The following EP400 variants were observed in gnomAD, a reference collection of about 807,000 sequenced individuals.
EP400 encodes the protein E1A-binding protein p400.
Under a neutral mutation model 354.1 loss-of-function variants are expected in EP400, and 105 were observed. The ratio of observed to expected loss-of-function variants is 0.30; its 90% CI spans 0.25 to 0.35. The LOEUF is 0.35. EP400 is among the 10% of genes least tolerant of loss of function. EP400 has a pLI of 1.00. For synonymous variants in EP400, 1,646 were observed against 1,716.9 expected (o/e 0.96, Z 1.02); for missense variants, 3,280 against 4,121.0 (o/e 0.80, Z 5.59).
rs888751655 is a variant in EP400 at position 132,065,024 on chromosome 12, C to T, written c.8553+138C>T. 3 of 1,425,832 alleles carry T rather than the reference C, an allele frequency of 2.1e-6. No individual in the cohort carries two copies. The African/African-American group carries it at 4.3e-5, about 21-fold the overall frequency. The allele number at this position is 1,425,832 out of a possible 1,614,324, so 88.3% of individuals were successfully genotyped here. A position where few individuals can be genotyped will look rare whatever the true frequency, so the allele number is the denominator to read the frequency against. ...GTTCTTTTCCCCGAGAACTTAGTAC[C>T]CCTTGGACAGAGGACGGGACTCACC... On this transcript the variant is annotated intron_variant, in intron 48 of 52. Coordinates refer to ENST00000389561, the MANE Select transcript of EP400 (RefSeq NM_015409.5).
At chr12:131,977,928 G>C (rs1892539474) in intron 2 of EP400, among the ~76,000 whole-genome samples, 1 of 152,178 alleles carries the variant, frequency 6.6e-6, no homozygotes, top group Admixed American at 6.5e-5. Context: ...CAGTTGCTTT[G>C]TTTAGGTATC....
chr12:131,964,132 A>AT (rs1480362692), intron 2 of EP400, among the ~76,000 whole-genome samples: 3 of 152,216 alleles, frequency 2.0e-5, no homozygotes, highest in Non-Finnish European at 4.4e-5. Context: ...CAAACTGATT[A>AT]TTTTTAATTT....
At chr12:131,995,348 G>A (rs1036557081) in intron 12 of EP400, among the ~76,000 whole-genome samples, 1 of 150,616 alleles carries the variant, frequency 6.6e-6, no homozygotes, top group Admixed American at 6.6e-5. Flanking sequence ...GAGTGTGTGA[G>A]AACTTCATAC....
chr12:131,992,793 C>G (rs2136506231), intron 11 of EP400, among the ~76,000 whole-genome samples: 1 of 152,272 alleles, frequency 6.6e-6, no homozygotes, highest in African/African-American at 2.4e-5. Flanking sequence ...GAGAAACTTT[C>G]TTGGGCGTTT....
intron 1 of EP400, 76 bp from the exon 2 acceptor site, chr12:131,960,509 C>CT: frequency 7.4e-7 from 1 of 1,351,878 alleles, no homozygotes; most frequent in Non-Finnish European, 9.9e-7. Flanking sequence ...TTCAAAGTGT[C>CT]TTTTCAGTGC....
Position 132,062,701 on chromosome 12 carries a change from G to A in EP400, c.8334G>A (p.Pro2778=). 2 of 1,613,322 alleles carry A rather than the reference G, an allele frequency of 1.2e-6. No homozygotes were observed. Among genetic ancestry groups the A allele is most frequent in the Non-Finnish European group, 1.7e-6 (2 of 1,179,286 alleles). ...TCAAAGCTGTGGGCAAGCTGACGCC[G>A]GTGAGCATTTCCCAGAGGACCATGA... is the stretch of plus-strand genomic sequence containing the variant. ...AQIKAVGKLT[P]EHLIKMQKQK... The change falls in exon 47 of 53, where the codon CCG becomes CCA. Residue 2778 remains proline, a splice_region_variant and synonymous_variant. Transcript: ENST00000389561.
chr12:132,070,480 C>A lies in EP400; in HGVS notation c.9021+839C>A, dbSNP rs73164908. Among the ~76,000 whole-genome samples, 3 of 152,270 alleles carry A rather than the reference C, an allele frequency of 2.0e-5. No individual in the cohort carries two copies. The highest frequency in any genetic ancestry group is 4.4e-5 in the Non-Finnish European group (3 of 68,048). On this transcript the variant is annotated intron_variant, in intron 51 of 52. Coordinates refer to ENST00000389561, the MANE Select transcript of EP400 (RefSeq NM_015409.5). This position sits in a 1 kb window ranked among gnomAD's most constrained non-coding sequence, Gnocchi z 4.1. ...CCCACGGCGCTCTCGCTATGAGCGGCAGTGACACTTGGTGTCTGGAGGGCG... is the reference window on the plus strand; with the variant it reads ...CCCACGGCGCTCTCGCTATGAGCGGAAGTGACACTTGGTGTCTGGAGGGCG...
intron 9 of EP400, among the ~76,000 whole-genome samples, chr12:131,991,178 C>T (rs933995321): frequency 2.0e-5 from 3 of 152,190 alleles, no homozygotes; most frequent in Non-Finnish European, 2.9e-5. Flanking sequence ...TTGTGTTCCC[C>T]CATTATTGAT....
chr12:131,969,557 C>T (rs895875219), intron 2 of EP400, among the ~76,000 whole-genome samples: 2 of 152,052 alleles, frequency 1.3e-5, no homozygotes, highest in African/African-American at 2.4e-5. Context: ...AGTATACTTC[C>T]GACATACCTC....
At position 132,043,429 on chromosome 12, in the gene EP400, C is replaced by A; in HGVS notation, c.6333C>A (p.Ser2111=). 1 of 1,613,344 alleles carries A rather than the reference C, an allele frequency of 6.2e-7. No homozygotes were observed. The highest frequency in any genetic ancestry group is 8.5e-7 in the Non-Finnish European group (1 of 1,180,018). The stretch of plus-strand genomic sequence containing the variant: ...ACATGCCGTGTGATGAAGAACCATC[C>A]CAATTAGAGGAGCTAGCTGACTTCA... ...SENMPCDEEP[S]QLEELADFME... The change falls in exon 33 of 53, where the codon TCC becomes TCA. Residue 2111 remains serine (S), a synonymous_variant. Coordinates refer to ENST00000389561, the MANE Select transcript of EP400 (RefSeq NM_015409.5).
Position 131,961,681 on chromosome 12 carries a change from T to C in EP400, c.1062T>C (p.Ile354=). Residue 354 remains isoleucine (I), a synonymous_variant, in exon 2 of 53, where the codon ATT becomes ATC. Transcript: ENST00000389561. ...AGGTTCCCAAGAAGTTAGAGGAGAT[T>C]CCCCCAGCCTCTCCGGAGATGGCAC... ...MKKVPKKLEE[I]PPASPEMAQM... The C allele has an allele frequency of 4.3e-6, 7 of 1,613,312 alleles. No individual in the cohort carries two copies. The highest frequency in any genetic ancestry group is 5.9e-6 in the Non-Finnish European group (7 of 1,179,622).
chr12:131,951,084 T>A (rs970182092), intron 1 of EP400, among the ~76,000 whole-genome samples: 4 of 145,234 alleles, frequency 2.8e-5, no homozygotes, highest in African/African-American at 1.0e-4. Flanking sequence ...TTTTTTTTTT[T>A]TTTTTGGATT....
At chr12:132,060,585 C>T (rs1895658440) in intron 45 of EP400, among the ~76,000 whole-genome samples, 1 of 152,084 alleles carries the variant, frequency 6.6e-6, no homozygotes, top group African/African-American at 2.4e-5. Context: ...AAGAAAGTTG[C>T]TGCCAGCCTA....
At position 132,047,302 on chromosome 12, in the gene EP400, A is replaced by G. The variant is rs140376008; in HGVS notation, c.7200+1402A>G. ...TTTTCTGTGTTTTGGAAGCATTTAT[A>G]ATAATAGCCATTACCTTATTATGGA... On this transcript the variant is annotated intron_variant, in intron 39 of 52. Transcript: ENST00000389561. 9.2e-3 allele frequency among the ~76,000 whole-genome samples: 1,394 copies of G among 152,340 alleles called. 14 individuals are homozygous for G. The highest frequency in any genetic ancestry group is 0.032 in the African/African-American group (1,339 of 41,562).
Position 132,045,328 on chromosome 12 carries a change from G to A in EP400, c.6794G>A (p.Arg2265Lys), listed in dbSNP as rs1414626368. 8 of 1,614,082 alleles carry A rather than the reference G, an allele frequency of 5.0e-6. No individual in the cohort carries two copies. The highest frequency in any genetic ancestry group is 6.8e-6 in the Non-Finnish European group (8 of 1,180,046). ...CTGCCTCTCTGTTCAGCTGCAGGCA[G>A]GAAGAAGAAGCAGCGTCACGGGGAG... ...RHKTDPSAAG[R>K]KKKQRHGEAV... The change falls in exon 38 of 53, where the codon AGG becomes AAG. Residue 2265 changes from arginine (R) to lysine (K), a missense_variant. Physicochemically the swap from Arg to Lys is conservative, Grantham distance 26. Transcript: ENST00000389561.
chr12:131,977,171 C>T (rs779276307), intron 2 of EP400, among the ~76,000 whole-genome samples: 4 of 152,168 alleles, frequency 2.6e-5, no homozygotes, highest in Non-Finnish European at 5.9e-5. Context: ...GAGTCTCGCT[C>T]TTTCACCCAG....
At chr12:132,045,621 G>T (rs571450736) in intron 38 of EP400, 61 bp downstream of exon 38, 2 of 1,605,462 alleles carry the variant, frequency 1.2e-6, no homozygotes, top group Non-Finnish European at 1.7e-6. Context: ...ACGCACGTCC[G>T]TGCATCCAGC....
chr12:131,978,161 A>G (rs1892546509), intron 2 of EP400, among the ~76,000 whole-genome samples: 1 of 152,210 alleles, frequency 6.6e-6, no homozygotes, highest in African/African-American at 2.4e-5. Context: ...AAACTTTTAA[A>G]AAACATGATT....
At chr12:132,047,154 A>G (rs1895127973) in intron 39 of EP400, among the ~76,000 whole-genome samples, 1 of 152,214 alleles carries the variant, frequency 6.6e-6, no homozygotes. Flanking sequence ...ATTTTTCTAA[A>G]AACACTTGTC....
Sources: gnomAD v4.1 joint callset for allele counts (sites outside exome capture counted in the v4.1 genomes callset) on GRCh38, gnomAD v4.1.1 for gene constraint, Gnocchi (gnomAD v3.1) non-coding constraint, MANE v1.5 for transcripts, NCBI Gene and HGNC (gene_info 2026-07-23, HGNC 2026-07-21) for gene names.